The following VSTM2B variants were observed in gnomAD, a reference collection of about 807,000 sequenced individuals.
VSTM2B encodes the protein V-set and transmembrane domain containing 2B, also known as V-set and transmembrane domain-containing protein 2B.
Under a neutral mutation model 24.0 loss-of-function variants are expected in VSTM2B, and 24 were observed. The ratio of observed to expected loss-of-function variants is 1.00; its 90% CI spans 0.72 to 1.40. The LOEUF is 1.40. Ranked by LOEUF, VSTM2B falls within the 40% of genes most tolerant of loss-of-function variation. The pLI is 0.00. For missense variants in VSTM2B, 399 were observed against 416.4 expected, an observed-to-expected ratio of 0.96 and a Z score of 0.36; for synonymous variants, 226 against 194.4, an observed-to-expected ratio of 1.16 and a Z score of -1.35.
At chr19:29,539,216 G>A (rs559201643) in intron 4 of VSTM2B, among the ~76,000 whole-genome samples, 74 of 152,274 alleles carry the variant, frequency 4.9e-4, no homozygotes, top group East Asian at 9.7e-4. Context: ...CCCACGTGCC[G>A]AGTCCTGGCT....
intron 4 of VSTM2B, among the ~76,000 whole-genome samples, chr19:29,532,428 T>C (rs547842187): frequency 3.8e-4 from 58 of 152,316 alleles, no homozygotes; most frequent in South Asian, 8.3e-4. Flanking sequence ...AGAGTTCCTA[T>C]TGACTTACAG....
At chr19:29,538,588 A>G (rs1241440252) in intron 4 of VSTM2B, among the ~76,000 whole-genome samples, 1 of 152,168 alleles carries the variant, frequency 6.6e-6, no homozygotes, top group African/African-American at 2.4e-5. Context: ...GAGTCTGGTC[A>G]TTTATAGAGA....
chr19:29,544,525 CAAAAAAAAAAAAA>C (rs58540469), intron 4 of VSTM2B, among the ~76,000 whole-genome samples: 11 of 54,356 alleles, frequency 2.0e-4, no homozygotes, highest in East Asian at 1.5e-3. Context: ...GACTCTGTCT[CAAAAAAAAAAAAA>C]AAAAAAAAAA....
chr19:29,533,147 G>A (rs1239721067), intron 4 of VSTM2B, among the ~76,000 whole-genome samples: 5 of 152,164 alleles, frequency 3.3e-5, no homozygotes, highest in Non-Finnish European at 7.3e-5. Context: ...AAGATATGGA[G>A]GTCCTCAGGT....
intron 4 of VSTM2B, among the ~76,000 whole-genome samples, chr19:29,557,034 T>C (rs1227733471): frequency 1.3e-5 from 2 of 152,156 alleles, no homozygotes; most frequent in African/African-American, 2.4e-5. Context: ...AAAAAAACTT[T>C]TAAAATTCAT....
intron 2 of VSTM2B, among the ~76,000 whole-genome samples, chr19:29,528,229 C>T (rs900070758): frequency 5.3e-5 from 8 of 152,236 alleles, no homozygotes; most frequent in African/African-American, 1.7e-4. Flanking sequence ...ACCCGTTGGT[C>T]AGGCACCATG....
At chr19:29,529,598 G>T (rs1368353151) in intron 3 of VSTM2B, among the ~76,000 whole-genome samples, 1 of 152,228 alleles carries the variant, frequency 6.6e-6, no homozygotes, top group African/African-American at 2.4e-5. Flanking sequence ...TGGGGACGTG[G>T]GGACACAGTC....
chr19:29,548,005 C>T (rs755345445), intron 4 of VSTM2B, among the ~76,000 whole-genome samples: 26 of 151,950 alleles, frequency 1.7e-4, no homozygotes, highest in Non-Finnish European at 2.1e-4. Context: ...TGTCCAGGTG[C>T]GTCTGAAGGA....
In VSTM2B at chr19:29,526,091, C is replaced by T. The variant is rs1969554393; in HGVS notation, c.-493C>T. On this transcript the variant is annotated 5_prime_UTR_variant, in exon 1 of 5. Coordinates refer to ENST00000335523, the MANE Select transcript of VSTM2B (RefSeq NM_001146339.2). This position sits in a 1 kb window ranked among gnomAD's most constrained non-coding sequence, Gnocchi z 4.1. ...TGCGCGCCGCGGCTGAGCGCCCACT[C>T]GCCCTGCGGAAAGAGCCGCGGAGGA... is the stretch of plus-strand genomic sequence containing the variant. Among the ~76,000 whole-genome samples the T allele has an allele frequency of 6.6e-6, 1 of 152,078 alleles. No individual in the cohort carries two copies. The highest frequency in any genetic ancestry group is 1.5e-5 in the Non-Finnish European group (1 of 67,974).
chr19:29,559,982 C>G (rs1055995349), intron 4 of VSTM2B, among the ~76,000 whole-genome samples: 1 of 152,038 alleles, frequency 6.6e-6, no homozygotes, highest in Non-Finnish European at 1.5e-5. Flanking sequence ...TGTCTATGAT[C>G]GGCTGCTAAT....
Position 29,529,874 on chromosome 19 carries a change from G to A in VSTM2B, c.353G>A (p.Arg118Gln), listed in dbSNP as rs966039137. Residue 118 changes from arginine (R) to glutamine (Q), a missense_variant, in exon 4 of 5, where the codon CGG becomes CAG. Arg to Gln is a conservative substitution (Grantham distance 43). Transcript: ENST00000335523. ...ISHRLRLSAV[R>Q]LQDEGVYECR... is the part of the protein sequence containing the mutation. ...CACCGGCTTCGGCTGTCTGCCGTGCGGCTGCAGGACGAGGGCGTGTACGAG... is the reference window on the plus strand; with the variant it reads ...CACCGGCTTCGGCTGTCTGCCGTGCAGCTGCAGGACGAGGGCGTGTACGAG... 6.5e-7 allele frequency: 1 copy of A among 1,550,166 alleles called. No individual in the cohort carries two copies. Among genetic ancestry groups the A allele is most frequent in the African/African-American group, 1.4e-5 (1 of 73,054 alleles).
intron 4 of VSTM2B, among the ~76,000 whole-genome samples, chr19:29,542,866 G>A (rs1970057020): frequency 6.6e-6 from 1 of 152,112 alleles, no homozygotes; most frequent in African/African-American, 2.4e-5. Flanking sequence ...CAGGAAGGAG[G>A]CCATAGGAAA....
At chr19:29,527,122 G>A (rs1969596890) in intron 1 of VSTM2B, 89 bp from the exon 2 acceptor site, 1 of 1,226,958 alleles carries the variant, frequency 8.2e-7, no homozygotes, top group Non-Finnish European at 1.1e-6. Flanking sequence ...CACAAGGCCA[G>A]CCAGCCAGAG....
At chr19:29,534,606 C>G (rs1265644323) in intron 4 of VSTM2B, among the ~76,000 whole-genome samples, 5 of 152,050 alleles carry the variant, frequency 3.3e-5, no homozygotes, top group African/African-American at 1.2e-4. Context: ...ATCCCAGATA[C>G]TTGGGAGGCT....
At chr19:29,541,537 T>C (rs1970017241) in intron 4 of VSTM2B, among the ~76,000 whole-genome samples, 1 of 151,164 alleles carries the variant, frequency 6.6e-6, no homozygotes, top group South Asian at 2.1e-4. Flanking sequence ...AATTGGAGAA[T>C]TAATAGATGG....
Position 29,526,734 on chromosome 19 carries a change from A to G in VSTM2B, c.82+69A>G, listed in dbSNP as rs1969579654. ...TTTGCTGGGGCCGCCACCGAGAAGA[A>G]GAAGAAAGAGAACGAACCGGGAAGC... On this transcript the variant is annotated intron_variant, in intron 1 of 4. Transcript: ENST00000335523. The surrounding 1 kb of genome is among the most constrained non-coding windows in gnomAD (Gnocchi z 4.1). 10 of 1,375,876 alleles carry G rather than the reference A, an allele frequency of 7.3e-6. No homozygotes were observed. The highest frequency in any genetic ancestry group is 9.9e-6 in the Non-Finnish European group (10 of 1,015,192). 85.2% of individuals were successfully genotyped at this position (1,375,876 alleles called of 1,614,324 possible). A position where few individuals can be genotyped will look rare whatever the true frequency, so the allele number is the denominator to read the frequency against.
intron 4 of VSTM2B, among the ~76,000 whole-genome samples, chr19:29,546,677 C>CA (rs1189401197): frequency 4.0e-5 from 6 of 150,202 alleles, no homozygotes; most frequent in African/African-American, 1.2e-4. Flanking sequence ...GGAGCCCCCA[C>CA]CCCCACCCCG....
chr19:29,548,133 C>G (rs1970192505), intron 4 of VSTM2B, among the ~76,000 whole-genome samples: 1 of 152,220 alleles, frequency 6.6e-6, no homozygotes, highest in East Asian at 1.9e-4. Context: ...ATGGCTAAAA[C>G]AGGCGGGGAA....
chr19:29,528,602 GGCTGCTCGGC>G (rs1296535857), intron 3 of VSTM2B, 140 bp downstream of exon 3: 1 of 1,089,664 alleles, frequency 9.2e-7, no homozygotes, highest in Non-Finnish European at 1.3e-6. Flanking sequence ...TTGCATCGGT[GGCTGCTCGGC>G]GTGTCCGGGC....
Sources: allele counts gnomAD v4.1 joint callset (sites outside exome capture counted in the v4.1 genomes callset), GRCh38; gene constraint gnomAD v4.1.1; non-coding constraint Gnocchi (gnomAD v3.1); transcripts MANE v1.5; gene names NCBI Gene and HGNC (gene_info 2026-07-23, HGNC 2026-07-21).